Variants in PARP14 observed in about 807,000 individuals in gnomAD.
The protein encoded by PARP14 is poly(ADP-ribose) polymerase family member 14.
Under a neutral mutation model 154.2 loss-of-function variants are expected in PARP14, and 59 were observed. That is an observed-to-expected ratio of 0.38 (90% CI 0.31 to 0.48). The LOEUF is 0.48. Among genes scored for constraint, PARP14 ranks in the 20% least tolerant of loss-of-function variants. PARP14 has a pLI of 0.98. For missense variants in PARP14, 1,734 were observed against 2,131.6 expected (o/e 0.81, Z 3.67); for synonymous variants, 720 against 780.5 (o/e 0.92, Z 1.29).
chr3:122,684,158 A>G (rs942235880), intron 1 of PARP14, among the ~76,000 whole-genome samples: 5 of 152,202 alleles, frequency 3.3e-5, no homozygotes, highest in African/African-American at 4.8e-5. Flanking sequence ...TCTGATCTAT[A>G]TCCTTGGCCT....
At chr3:122,684,466 CTG>C (rs1304334968) in intron 1 of PARP14, among the ~76,000 whole-genome samples, 3 of 152,208 alleles carry the variant, frequency 2.0e-5, no homozygotes, top group Non-Finnish European at 4.4e-5. Context: ...AGTGAGGAAA[CTG>C]AGAGTTGAGA....
intron 9 of PARP14, among the ~76,000 whole-genome samples, chr3:122,711,994 C>A (rs1939331829): frequency 6.6e-6 from 1 of 152,134 alleles, no homozygotes. Flanking sequence ...GTTAATCTCA[C>A]TAATGGTCTA....
chr3:122,685,035 AC>A, intron 1 of PARP14, 149 bp from the exon 2 acceptor site: 1 of 744,458 alleles, frequency 1.3e-6, no homozygotes, highest in Non-Finnish European at 2.1e-6. Flanking sequence ...TGCTTGCTAA[AC>A]TTTTCCTCTT....
chr3:122,685,736 C>T lies in PARP14; in HGVS notation c.321+418C>T, dbSNP rs572366076. On this transcript the variant is annotated intron_variant, in intron 2 of 16. Transcript: ENST00000474629. ...TATTGGCCAGGCTGGTATCAAACTC[C>T]TGACCTCATGATCGGCCCACCTAGG... 2.6e-5 allele frequency among the ~76,000 whole-genome samples: 4 copies of T among 152,174 alleles called. No individual in the cohort carries two copies. The East Asian group carries it at 7.7e-4, about 29-fold the overall frequency.
Position 122,727,916 on chromosome 3 carries a change from T to A in PARP14, c.5046T>A (p.His1682Gln). 6.2e-7 allele frequency: 1 copy of A among 1,613,902 alleles called. No homozygotes were observed. The highest frequency in any genetic ancestry group is 8.5e-7 in the Non-Finnish European group (1 of 1,179,778). Residue 1682 changes from histidine to glutamine, a missense_variant, in exon 16 of 17, where the codon CAT (histidine) becomes CAA (glutamine). His to Gln is a conservative substitution (Grantham distance 24). This residue lies in a region of PARP14 where 88 missense variants were observed against 155.6 expected (regional missense o/e 0.57). Transcript: ENST00000474629. Reference sequence around the variant, plus strand: ...CAATGAATGAGAAGCAACTCTTCCATGGGACAGATGCCGGCTCCGTGCCAC... The same window carrying A: ...CAATGAATGAGAAGCAACTCTTCCAAGGGACAGATGCCGGCTCCGTGCCAC... ...GQTMNEKQLF[H>Q]GTDAGSVPHV...
intron 1 of PARP14, among the ~76,000 whole-genome samples, chr3:122,683,865 G>A (rs1181292492): frequency 1.3e-5 from 2 of 152,170 alleles, no homozygotes; most frequent in Non-Finnish European, 2.9e-5. Flanking sequence ...TAACACAGAG[G>A]TCCATGACTC....
chr3:122,726,314 C>T (rs939893802), intron 15 of PARP14, among the ~76,000 whole-genome samples: 5 of 152,094 alleles, frequency 3.3e-5, no homozygotes, highest in African/African-American at 7.2e-5. Context: ...TATCTGAAAA[C>T]GTCTCTTTCT....
At position 122,720,807 on chromosome 3, in the gene PARP14, T is replaced by G. The variant is rs759322171; in HGVS notation, c.4941+419T>G. On this transcript the variant is annotated intron_variant, in intron 15 of 16. Transcript: ENST00000474629. ...TAAAGCCAGCAGGCCTTTTCTCGTT[T>G]ATCATAATTATTTTGGGCAGGTGAA... 1.3e-4 allele frequency: 60 copies of G among 456,950 alleles called. No individual in the cohort carries two copies. The Admixed American group carries it at 1.4e-3, about 11-fold the overall frequency. The allele number at this position is 456,950 out of a possible 1,614,324, so 28.3% of individuals were successfully genotyped here. A position where few individuals can be genotyped will look rare whatever the true frequency, so the allele number is the denominator to read the frequency against.
chr3:122,686,916 T>C (rs144379215), intron 2 of PARP14, 164 bp from the exon 3 acceptor site: 4 of 536,942 alleles, frequency 7.4e-6, no homozygotes, highest in African/African-American at 1.9e-5. Context: ...TGCAAGTGAA[T>C]ATGCCACTAT....
chr3:122,704,119 GC>G lies in PARP14; in HGVS notation c.3318+143del, dbSNP rs1243351250. On this transcript the variant is annotated intron_variant, in intron 7 of 16. Coordinates refer to ENST00000474629, the MANE Select transcript of PARP14 (RefSeq NM_017554.3). ...CTCTTTTGGCAGATTCCATCATGTG[GC>G]CATTTCTTTCAGCTGTAGCTGACTT... 1.1e-5 allele frequency: 7 copies of G among 642,884 alleles called. No individual in the cohort carries two copies. The Admixed American group carries it at 1.7e-4, about 16-fold the overall frequency. The allele number at this position is 642,884 out of a possible 1,614,324, so 39.8% of individuals were successfully genotyped here. A position where few individuals can be genotyped will look rare whatever the true frequency, so the allele number is the denominator to read the frequency against.
In PARP14 at chr3:122,713,935, G is replaced by A. The variant is rs1457630932; in HGVS notation, c.3832+1G>A. 6.2e-7 allele frequency: 1 copy of A among 1,611,064 alleles called. No individual in the cohort carries two copies. The highest frequency in any genetic ancestry group is 2.2e-5 in the East Asian group (1 of 44,828). On this transcript the variant is annotated splice_donor_variant, in intron 11 of 16. Coordinates refer to ENST00000474629, the MANE Select transcript of PARP14 (RefSeq NM_017554.3). LOFTEE classifies it high-confidence loss of function. ...GTAGAAAGGGAATGTTCTCAGCAAGGTAAGGCATATTCTATTTTTTGGTCC... is the reference window on the plus strand; with the variant it reads ...GTAGAAAGGGAATGTTCTCAGCAAGATAAGGCATATTCTATTTTTTGGTCC...
In PARP14 at chr3:122,720,235, C is replaced by G; in HGVS notation, c.4808-20C>G. The G allele has an allele frequency of 6.2e-7, 1 of 1,610,248 alleles. No individual in the cohort carries two copies. The highest frequency in any genetic ancestry group is 8.5e-7 in the Non-Finnish European group (1 of 1,177,816). On this transcript the variant is annotated intron_variant, in intron 14 of 16. Transcript: ENST00000474629. ...TGTACCGGGGATGTATGAGGGCATCCTCAAATGTCTCCTTTGCAGTTGACA... is the reference window on the plus strand; with the variant it reads ...TGTACCGGGGATGTATGAGGGCATCGTCAAATGTCTCCTTTGCAGTTGACA...
intron 6 of PARP14, among the ~76,000 whole-genome samples, chr3:122,702,294 G>A (rs1403306056): frequency 6.6e-6 from 1 of 152,150 alleles, no homozygotes; most frequent in East Asian, 1.9e-4. Context: ...TCGGCTCACT[G>A]CAACCTCCGC....
At chr3:122,715,594 T>TCATC (rs1434655670) in intron 12 of PARP14, among the ~76,000 whole-genome samples, 8 of 141,470 alleles carry the variant, frequency 5.7e-5, no homozygotes, top group Admixed American at 2.9e-4. Context: ...TCTCTACCAG[T>TCATC]CATCTATCTA....
intron 2 of PARP14, among the ~76,000 whole-genome samples, chr3:122,686,594 G>T (rs1177406538): frequency 6.6e-6 from 1 of 152,136 alleles, no homozygotes; most frequent in Non-Finnish European, 1.5e-5. Context: ...AAGTAGCTGG[G>T]ACTACAGGCA....
At chr3:122,708,024 G>A (rs1939214103) in intron 8 of PARP14, among the ~76,000 whole-genome samples, 166 bp from the exon 9 acceptor site, 1 of 152,178 alleles carries the variant, frequency 6.6e-6, no homozygotes. Flanking sequence ...ACAGAATCAT[G>A]TGTTGTTTTT....
chr3:122,682,204 T>C (rs901372472), intron 1 of PARP14, among the ~76,000 whole-genome samples: 5 of 152,212 alleles, frequency 3.3e-5, no homozygotes, highest in Middle Eastern at 3.2e-3. Flanking sequence ...AACTGTGTGA[T>C]ATTAGTCATT....
At chr3:122,714,038 A>G in intron 11 of PARP14, 104 bp downstream of exon 11, 1 of 891,942 alleles carries the variant, frequency 1.1e-6, no homozygotes, top group Non-Finnish European at 1.8e-6. Context: ...CTAATTTTAA[A>G]ATGATACATT....
chr3:122,706,144 T>C (rs931862077), intron 8 of PARP14, among the ~76,000 whole-genome samples: 5 of 152,220 alleles, frequency 3.3e-5, no homozygotes, highest in African/African-American at 4.8e-5. Context: ...CTCTTTTTCA[T>C]GCAACCTCAG....
Sources: allele counts gnomAD v4.1 joint callset (sites outside exome capture counted in the v4.1 genomes callset), GRCh38; gene constraint gnomAD v4.1.1; regional missense constraint gnomAD v4.1.1; transcripts MANE v1.5; gene names NCBI Gene and HGNC (gene_info 2026-07-23, HGNC 2026-07-21).